KCNJ16: variants seen among roughly 807,000 people sequenced by gnomAD.
KCNJ16 encodes the protein inward rectifier potassium channel 16.
In KCNJ16, 15 loss-of-function variants were observed where a neutral mutation model predicts 18.5. The observed-to-expected ratio is 0.81, with a 90% CI of 0.54 to 1.25. KCNJ16 has a LOEUF of 1.25. Ranked by LOEUF, KCNJ16 falls within the 50% of genes most tolerant of loss-of-function variation. KCNJ16 has a pLI of 0.00. For missense variants in KCNJ16, 523 were observed against 525.7 expected, an observed-to-expected ratio of 0.99 and a Z score of 0.05; for synonymous variants, 174 against 186.5, an observed-to-expected ratio of 0.93 and a Z score of 0.55.
intron 1 of KCNJ16, among the ~76,000 whole-genome samples, chr17:70,080,309 T>C (rs987421939): frequency 6.6e-6 from 1 of 152,180 alleles, no homozygotes; most frequent in African/African-American, 2.4e-5. Flanking sequence ...TCGTATACCT[T>C]TTAGAAGTAT....
intron 1 of KCNJ16, among the ~76,000 whole-genome samples, chr17:70,082,025 T>C (rs1037260333): frequency 4.6e-5 from 7 of 152,178 alleles, no homozygotes; most frequent in African/African-American, 1.7e-4. Context: ...TGTTCTTTCC[T>C]TTCTTCTTGG....
At chr17:70,078,584 G>C (rs1267753413) in intron 1 of KCNJ16, among the ~76,000 whole-genome samples, 1 of 152,030 alleles carries the variant, frequency 6.6e-6, no homozygotes, top group African/African-American at 2.4e-5. Context: ...CTCTTGTTTT[G>C]GTAAATTTTA....
At chr17:70,131,340 CT>C in intron 3 of KCNJ16, 1 of 1,062,472 alleles carries the variant, frequency 9.4e-7, no homozygotes, top group Middle Eastern at 4.5e-4. Context: ...ATTTTTTTTT[CT>C]TTTCTTTCAA....
rs1567782394 is a variant in KCNJ16 at position 70,092,527 on chromosome 17, TAG to T, written c.-299-8129_-299-8128del. Reference sequence around the variant, plus strand: ...ATAGATAGATAGATAGATAGATACATAGACAGATAGATATAGATAGATATAGA... The same window carrying T: ...ATAGATAGATAGATAGATAGATACATACAGATAGATATAGATAGATATAGA... On this transcript the variant is annotated intron_variant, in intron 1 of 3. Transcript: ENST00000392671. Among the ~76,000 whole-genome samples the T allele has an allele frequency of 3.4e-3, 204 of 60,282 alleles. 1 individual carries two copies. The highest frequency in any genetic ancestry group is 1.5e-3 in the East Asian group (2 of 1,362). 39.5% of individuals were successfully genotyped at this position (60,282 alleles called of 152,430 possible). A position where few individuals can be genotyped will look rare whatever the true frequency, so the allele number is the denominator to read the frequency against.
At chr17:70,123,749 C>A (rs370474201) in intron 2 of KCNJ16, among the ~76,000 whole-genome samples, 1 of 152,100 alleles carries the variant, frequency 6.6e-6, no homozygotes. Flanking sequence ...AGTCTTTGAT[C>A]TTCATATTCC....
At chr17:70,111,447 C>T (rs1419052390) in intron 2 of KCNJ16, among the ~76,000 whole-genome samples, 2 of 152,020 alleles carry the variant, frequency 1.3e-5, no homozygotes, top group African/African-American at 4.8e-5. Context: ...GCGGGCTGGA[C>T]CTTCAAAGTT....
At chr17:70,116,350 AT>A (rs2073404463) in intron 2 of KCNJ16, among the ~76,000 whole-genome samples, 1 of 152,128 alleles carries the variant, frequency 6.6e-6, no homozygotes, top group South Asian at 2.1e-4. Context: ...AAAATAGCTA[AT>A]TCACATCCAG....
intron 1 of KCNJ16, among the ~76,000 whole-genome samples, chr17:70,094,881 C>G (rs763278551): frequency 1.4e-4 from 21 of 152,132 alleles, no homozygotes; most frequent in Non-Finnish European, 2.6e-4. Flanking sequence ...CTTGCAAGGC[C>G]GTAGAATTTG....
At position 70,090,180 on chromosome 17, in the gene KCNJ16, G is replaced by C. The variant is rs534091269; in HGVS notation, c.-299-10478G>C. On this transcript the variant is annotated intron_variant, in intron 1 of 3. Transcript: ENST00000392671. ...GCTTCTGTCCAAAGGGACAGGGATG[G>C]AAAGGCTGATGGTGGTGATTTTGTG... Among the ~76,000 whole-genome samples the C allele has an allele frequency of 2.6e-5, 4 of 152,364 alleles. No homozygotes were observed. In the East Asian group the frequency reaches 7.7e-4, roughly 29 times the overall value.
At chr17:70,089,541 G>C (rs2071990199) in intron 1 of KCNJ16, among the ~76,000 whole-genome samples, 1 of 152,092 alleles carries the variant, frequency 6.6e-6, no homozygotes, top group Non-Finnish European at 1.5e-5. Context: ...TCTGTGACTT[G>C]AGGGAGGCAG....
intron 1 of KCNJ16, among the ~76,000 whole-genome samples, chr17:70,076,507 CTTGT>C (rs1014828213): frequency 3.9e-5 from 6 of 152,090 alleles, no homozygotes; most frequent in African/African-American, 9.7e-5. Context: ...TGTAATCCTG[CTTGT>C]TTATTTTTAG....
At chr17:70,110,485 C>A (rs761176437) in intron 2 of KCNJ16, among the ~76,000 whole-genome samples, 3 of 150,622 alleles carry the variant, frequency 2.0e-5, no homozygotes, top group Admixed American at 6.6e-5. Flanking sequence ...CGTGCGCGCA[C>A]ACACACACAC....
intron 1 of KCNJ16, among the ~76,000 whole-genome samples, chr17:70,079,136 G>A (rs1016982522): frequency 3.3e-5 from 5 of 152,296 alleles, no homozygotes; most frequent in South Asian, 2.1e-4. Flanking sequence ...ATGGTGGCTG[G>A]CAAGTATGAA....
intron 1 of KCNJ16, among the ~76,000 whole-genome samples, chr17:70,100,353 C>T (rs1229633863): frequency 6.6e-6 from 1 of 152,112 alleles, no homozygotes; most frequent in Non-Finnish European, 1.5e-5. Flanking sequence ...AGTGGTACAG[C>T]TTTTCTCCAA....
chr17:70,127,794 T>C (rs575571622), intron 2 of KCNJ16, among the ~76,000 whole-genome samples: 2 of 152,236 alleles, frequency 1.3e-5, no homozygotes, highest in East Asian at 1.9e-4. Context: ...TGAATAATGA[T>C]GACTTCATGT....
chr17:70,085,964 A>G (rs1485848904), intron 1 of KCNJ16, among the ~76,000 whole-genome samples: 3 of 152,204 alleles, frequency 2.0e-5, no homozygotes, highest in African/African-American at 4.8e-5. Flanking sequence ...AAATGTAACC[A>G]TTCTTTATGG....
At chr17:70,111,332 C>A (rs546523598) in intron 2 of KCNJ16, among the ~76,000 whole-genome samples, 1 of 152,212 alleles carries the variant, frequency 6.6e-6, no homozygotes, top group Non-Finnish European at 1.5e-5. Flanking sequence ...TGACACAGCA[C>A]TGAGCCCCAA....
chr17:70,131,021 G>A, intron 3 of KCNJ16, 46 bp downstream of exon 3: 1 of 1,520,222 alleles, frequency 6.6e-7, no homozygotes, highest in Non-Finnish European at 8.8e-7. Flanking sequence ...ACTGAATTTG[G>A]AGGGAGAAAA....
intron 2 of KCNJ16, among the ~76,000 whole-genome samples, chr17:70,118,729 C>T (rs1429211875): frequency 6.6e-6 from 1 of 152,054 alleles, no homozygotes; most frequent in Non-Finnish European, 1.5e-5. Flanking sequence ...CACAAAACAC[C>T]TCCCACCAGG....
Sources: gnomAD v4.1 joint callset for allele counts (sites outside exome capture counted in the v4.1 genomes callset) on GRCh38, gnomAD v4.1.1 for gene constraint, MANE v1.5 for transcripts, NCBI Gene and HGNC (gene_info 2026-07-23, HGNC 2026-07-21) for gene names.